The following C19orf38 variants were observed in gnomAD, a reference collection of about 807,000 sequenced individuals.
C19orf38 encodes the protein protein HIDE1.
A neutral mutation model predicts 26.6 loss-of-function variants in C19orf38; 14 were observed. The observed-to-expected ratio is 0.53, with a 90% CI of 0.35 to 0.82. The LOEUF is 0.82. Ranked by LOEUF, C19orf38 falls within the 40% of genes least tolerant of loss-of-function variation. C19orf38 has a pLI of 0.01. For missense variants in C19orf38, 261 were observed against 299.5 expected (o/e 0.87, Z 0.95); for synonymous variants, 132 against 128.5 (o/e 1.03, Z -0.18).
intron 6 of C19orf38, among the ~76,000 whole-genome samples, chr19:10,863,414 G>C (rs1415057734): frequency 6.6e-6 from 1 of 152,128 alleles, no homozygotes. Flanking sequence ...GTTAATTGAA[G>C]GTGGTGACGT....
At chr19:10,848,203 TAAAA>T (rs548609491), upstream of C19orf38, among the ~76,000 whole-genome samples, 1 of 149,392 alleles carries the variant, frequency 6.7e-6, no homozygotes, top group Non-Finnish European at 1.5e-5. Context: ...AAAATAAAAA[TAAAA>T]AAAGAGGAAA....
At position 10,850,543 on chromosome 19, in the gene C19orf38, G is replaced by C. The variant is rs79573242; in HGVS notation, c.316G>C (p.Glu106Gln). 4.0e-3 allele frequency: 6,197 copies of C among 1,551,548 alleles called. 104 individuals are homozygous for C. Among genetic ancestry groups the C allele is most frequent in the East Asian group, 0.031 (1,270 of 40,912 alleles). Reference sequence around the variant, plus strand: ...CCAGTCCCAGCTGTCAGACCTCAGCGAGCCCGTGAACGTCTCCTTCCCAGG... The same window carrying C: ...CCAGTCCCAGCTGTCAGACCTCAGCCAGCCCGTGAACGTCTCCTTCCCAGG... ...LNQSQLSDLS[E>Q]PVNVSFPVPT... The change falls in exon 2 of 7, where the codon GAG (glutamate) becomes CAG (glutamine). Residue 106 changes from glutamate (E) to glutamine (Q), a missense_variant. Glu to Gln is a conservative substitution (Grantham distance 29). Coordinates refer to ENST00000397820, the MANE Select transcript of C19orf38 (RefSeq NM_001136482.3).
intron 3 of C19orf38, 31 bp from the exon 4 acceptor site, chr19:10,858,285 C>T: frequency 1.1e-6 from 1 of 881,568 alleles, no homozygotes; most frequent in Non-Finnish European, 1.6e-6. Flanking sequence ...GGACCAAAAT[C>T]TAACACATGC....
chr19:10,852,294 T>C (rs889578214), intron 2 of C19orf38, among the ~76,000 whole-genome samples: 6 of 152,162 alleles, frequency 3.9e-5, no homozygotes, highest in African/African-American at 1.4e-4. Flanking sequence ...GAGCACTTAC[T>C]ATGGACCAAG....
chr19:10,836,943 T>G (rs1026199558), intron 1 of C19orf38, among the ~76,000 whole-genome samples: 2 of 152,120 alleles, frequency 1.3e-5, no homozygotes, highest in Non-Finnish European at 2.9e-5. Context: ...ATAGAGCCAT[T>G]ACAGTAGCCT....
chr19:10,863,272 C>A, intron 6 of C19orf38, 65 bp downstream of exon 6: 1 of 1,503,632 alleles, frequency 6.7e-7, no homozygotes, highest in Non-Finnish European at 9.1e-7. Flanking sequence ...ACGGGGCGGG[C>A]TCAAGGGGCA....
At chr19:10,863,917 C>A (rs1455220045) in intron 6 of C19orf38, among the ~76,000 whole-genome samples, 1 of 151,972 alleles carries the variant, frequency 6.6e-6, no homozygotes, top group East Asian at 1.9e-4. Flanking sequence ...CCATCTAAAA[C>A]AAACAAACAG....
intron 2 of C19orf38, among the ~76,000 whole-genome samples, chr19:10,855,617 C>A (rs371820870): frequency 6.6e-6 from 1 of 152,186 alleles, no homozygotes; most frequent in African/African-American, 2.4e-5. Flanking sequence ...CAACCTCCGC[C>A]TCCCGGGTTC....
chr19:10,864,813 G>A (rs958296023), intron 6 of C19orf38, among the ~76,000 whole-genome samples: 1 of 152,184 alleles, frequency 6.6e-6, no homozygotes, highest in Non-Finnish European at 1.5e-5. Context: ...GGAGAAGAGG[G>A]AGGCCAAGGA....
intron 3 of C19orf38, among the ~76,000 whole-genome samples, chr19:10,857,614 A>C (rs936602020): frequency 6.6e-6 from 1 of 151,284 alleles, no homozygotes; most frequent in Non-Finnish European, 1.5e-5. Context: ...GGGTTTCACC[A>C]TGTTGTCCAG....
At chr19:10,845,876 CAAAAA>C (rs967662038), upstream of C19orf38, among the ~76,000 whole-genome samples, 7 of 72,504 alleles carry the variant, frequency 9.7e-5, no homozygotes, top group Admixed American at 1.6e-4. Flanking sequence ...AAGACTCCGT[CAAAAA>C]AAAAAAAAAA....
At position 10,869,677 on chromosome 19, in the gene C19orf38, C is replaced by G. The variant is rs1861634; in HGVS notation, c.*310C>G. 3.2e-4 allele frequency: 108 copies of G among 334,166 alleles called. No homozygotes were observed. Among genetic ancestry groups the G allele is most frequent in the Non-Finnish European group, 4.7e-4 (87 of 184,680 alleles). The allele number at this position is 334,166 out of a possible 1,614,324, so 20.7% of individuals were successfully genotyped here. A position where few individuals can be genotyped will look rare whatever the true frequency, so the allele number is the denominator to read the frequency against. ...AAGACGTCCCAGGTCTCTGCACACC[C>G]GTGGAATTCCTCCCTTCCCCAGTGG... On this transcript the variant is annotated 3_prime_UTR_variant, in exon 7 of 7. Coordinates refer to ENST00000397820, the MANE Select transcript of C19orf38 (RefSeq NM_001136482.3).
chr19:10,845,155 G>A (rs1368507905), upstream of C19orf38, among the ~76,000 whole-genome samples: 3 of 147,834 alleles, frequency 2.0e-5, no homozygotes, highest in Admixed American at 2.0e-4. Context: ...GCAAGACCTT[G>A]TCTCCAAAAA....
chr19:10,850,351 G>A lies in C19orf38; in HGVS notation c.124G>A (p.Gly42Arg), dbSNP rs1291450205. 1.3e-6 allele frequency: 2 copies of A among 1,551,218 alleles called. No individual in the cohort carries two copies. Among genetic ancestry groups the A allele is most frequent in the Non-Finnish European group, 1.7e-6 (2 of 1,146,846 alleles). Residue 42 changes from glycine (G) to arginine (R), a missense_variant, in exon 2 of 7, where the codon GGG becomes AGG. By Grantham distance (125) the Gly-to-Arg change is moderately radical (BLOSUM62 -2). Coordinates refer to ENST00000397820, the MANE Select transcript of C19orf38 (RefSeq NM_001136482.3). ...DPIHIACMAP[G>R]NFPGANFTLY... ...CATCCACATCGCATGCATGGCCCCT[G>A]GGAACTTCCCGGGGGCGAATTTCAC... is the stretch of plus-strand genomic sequence containing the variant.
Position 10,850,240 on chromosome 19 carries a change from C to T in C19orf38, c.32-19C>T, listed in dbSNP as rs1192299440. 6.5e-7 allele frequency: 1 copy of T among 1,545,536 alleles called. No homozygotes were observed. Among genetic ancestry groups the T allele is most frequent in the Admixed American group, 2.0e-5 (1 of 50,344 alleles). ...CCACTCTCACCACGCACCCACCCACCTTACCCTCTGCATTGCAGGCTCCTT... is the reference window on the plus strand; with the variant it reads ...CCACTCTCACCACGCACCCACCCACTTTACCCTCTGCATTGCAGGCTCCTT... On this transcript the variant is annotated intron_variant, in intron 1 of 6. Transcript: ENST00000397820.
intron 1 of C19orf38, 50 bp from the exon 2 acceptor site, chr19:10,850,209 C>T: frequency 6.8e-7 from 1 of 1,478,340 alleles, no homozygotes; most frequent in East Asian, 2.5e-5. Flanking sequence ...ATAGCCAGGG[C>T]AGCCTCCACT....
chr19:10,867,103 T>A (rs551297526), intron 6 of C19orf38, among the ~76,000 whole-genome samples: 2 of 151,402 alleles, frequency 1.3e-5, no homozygotes, highest in East Asian at 3.9e-4. Flanking sequence ...AAATTTCTCA[T>A]CCTCCCAAAC....
intron 3 of C19orf38, among the ~76,000 whole-genome samples, chr19:10,857,654 G>C (rs1171875331): frequency 6.6e-6 from 1 of 151,336 alleles, no homozygotes; most frequent in Non-Finnish European, 1.5e-5. Flanking sequence ...AGGCCGAGGT[G>C]GGCAGATCGC....
intron 3 of C19orf38, among the ~76,000 whole-genome samples, chr19:10,857,294 A>ATGTG (rs1313982926): frequency 7.4e-6 from 1 of 135,320 alleles, no homozygotes; most frequent in Non-Finnish European, 1.5e-5. Flanking sequence ...GTGTGTATGT[A>ATGTG]TATATATATG....
Sources: gnomAD v4.1 joint callset for allele counts (sites outside exome capture counted in the v4.1 genomes callset) on GRCh38, gnomAD v4.1.1 for gene constraint, MANE v1.5 for transcripts, NCBI Gene and HGNC (gene_info 2026-07-23, HGNC 2026-07-21) for gene names.